DTNA: variants seen among roughly 807,000 people sequenced by gnomAD.
DTNA encodes dystrobrevin alpha, also known as dystrophin-related protein 3.
In DTNA, 43 loss-of-function variants were observed where a neutral mutation model predicts 100.7. The ratio of observed to expected loss-of-function variants is 0.43; its 90% CI spans 0.33 to 0.55. The LOEUF (loss-of-function observed/expected upper bound fraction) is 0.55. DTNA is among the 20% of genes least tolerant of loss of function. DTNA has a pLI of 0.04. For synonymous variants in DTNA, 349 were observed against 347.9 expected (o/e 1.00, Z -0.04); for missense variants, 798 against 953.9 (o/e 0.84, Z 2.15).
At chr18:34,537,127 A>G (rs2043794203) in intron 1 of DTNA, among the ~76,000 whole-genome samples, 2 of 152,154 alleles carry the variant, frequency 1.3e-5, no homozygotes, top group East Asian at 1.9e-4. Context: ...CTCCATGACT[A>G]TTAGGGCAAA....
At position 34,735,065 on chromosome 18, in the gene DTNA, C is replaced by T. The variant is rs147831958; in HGVS notation, c.-1-20911C>T. ...GAACATATATATACACACACATACA[C>T]ATATATATATACACACACACACACT... is the stretch of plus-strand genomic sequence containing the variant. On this transcript the variant is annotated intron_variant, in intron 1 of 22. Transcript: ENST00000444659. Among the ~76,000 whole-genome samples, 312 of 152,040 alleles carry T rather than the reference C, an allele frequency of 2.1e-3. 2 individuals carry two copies. The highest frequency in any genetic ancestry group is 7.2e-3 in the African/African-American group (300 of 41,468).
intron 1 of DTNA, among the ~76,000 whole-genome samples, chr18:34,634,776 G>A (rs1165864359): frequency 2.0e-5 from 3 of 152,088 alleles, no homozygotes; most frequent in African/African-American, 7.2e-5. Flanking sequence ...ATTGTGGAAT[G>A]GCTAAATTGA....
chr18:34,563,606 A>G (rs2046828833), intron 1 of DTNA, among the ~76,000 whole-genome samples: 1 of 152,048 alleles, frequency 6.6e-6, no homozygotes, highest in African/African-American at 2.4e-5. Flanking sequence ...CATCCTTCCC[A>G]CCTCATCAGT....
intron 3 of DTNA, among the ~76,000 whole-genome samples, chr18:34,771,525 A>G (rs2093772472): frequency 6.6e-6 from 1 of 151,928 alleles, no homozygotes; most frequent in Non-Finnish European, 1.5e-5. Flanking sequence ...CTTGTAAAAA[A>G]CCCATCTTCT....
At chr18:34,766,915 C>A (rs142244943) in intron 3 of DTNA, among the ~76,000 whole-genome samples, 12 of 151,856 alleles carry the variant, frequency 7.9e-5, no homozygotes, top group African/African-American at 2.9e-4. Flanking sequence ...GAACTTGCTC[C>A]AGTTTTTTTT....
At chr18:34,666,359 C>A (rs1237950854) in intron 1 of DTNA, among the ~76,000 whole-genome samples, 3 of 151,830 alleles carry the variant, frequency 2.0e-5, no homozygotes, top group Admixed American at 6.6e-5. Flanking sequence ...AATTTTCTCC[C>A]ATTCTGTAGG....
At chr18:34,867,735 C>T (rs1367228859) in intron 17 of DTNA, 7 of 985,370 alleles carry the variant, frequency 7.1e-6, no homozygotes, top group African/African-American at 1.7e-5. Flanking sequence ...CTCCTATGGA[C>T]CAGGAAGTTC....
intron 2 of DTNA, among the ~76,000 whole-genome samples, chr18:34,764,840 A>C (rs1476080854): frequency 1.3e-5 from 2 of 152,248 alleles, no homozygotes; most frequent in Non-Finnish European, 2.9e-5. Flanking sequence ...AGTTCAATAC[A>C]TGCCTTTATA....
chr18:34,606,315 A>C (rs965439840), intron 1 of DTNA, among the ~76,000 whole-genome samples: 5 of 152,200 alleles, frequency 3.3e-5, no homozygotes, highest in African/African-American at 1.2e-4. Context: ...ATGATGGTAT[A>C]TATTTTCAAA....
At chr18:34,844,530 A>G (rs988179062) in intron 13 of DTNA, among the ~76,000 whole-genome samples, 1 of 152,190 alleles carries the variant, frequency 6.6e-6, no homozygotes, top group African/African-American at 2.4e-5. Context: ...AGAATAATCT[A>G]ATAAAGCAAT....
chr18:34,524,681 A>G (rs1480575718), intron 1 of DTNA, among the ~76,000 whole-genome samples: 1 of 152,184 alleles, frequency 6.6e-6, no homozygotes, highest in Non-Finnish European at 1.5e-5. Context: ...ATGCAAACAT[A>G]GTATGTCTTT....
chr18:34,869,906 A>G (rs1373354735), intron 17 of DTNA, among the ~76,000 whole-genome samples: 1 of 152,162 alleles, frequency 6.6e-6, no homozygotes, highest in Non-Finnish European at 1.5e-5. Flanking sequence ...CTGTAGTCCC[A>G]GCTACTCGGG....
At position 34,829,448 on chromosome 18, in the gene DTNA, C is replaced by G. The variant is rs562740179; in HGVS notation, c.1134C>G (p.Ser378=). The change falls in exon 11 of 23, where the codon TCC becomes TCG. Residue 378 remains serine, a synonymous_variant. Transcript: ENST00000444659. ...SASSPVAEEH[S]LIKLYVNQLD... ...CCAGCCCTGTGGCTGAAGAGCATTC[C>G]CTCATAAAGCTGTACGTAAATCAGC... 5 of 1,532,756 alleles carry G rather than the reference C, an allele frequency of 3.3e-6. No individual in the cohort carries two copies. The African/African-American group carries it at 6.8e-5, about 21-fold the overall frequency. 94.9% of individuals were successfully genotyped at this position (1,532,756 alleles called of 1,614,324 possible).
chr18:34,859,145 C>T (rs781184630), intron 16 of DTNA, among the ~76,000 whole-genome samples: 1 of 152,098 alleles, frequency 6.6e-6, no homozygotes, highest in Non-Finnish European at 1.5e-5. Flanking sequence ...ACATAAAAGC[C>T]TAGTCTTCTT....
chr18:34,851,606 C>T (rs188660882), intron 14 of DTNA, among the ~76,000 whole-genome samples: 106 of 152,276 alleles, frequency 7.0e-4, no homozygotes, highest in Admixed American at 4.6e-4. Flanking sequence ...GTGTATTTGC[C>T]TGCCAGAGAA....
At chr18:34,877,675 A>G (rs2096832004) in intron 18 of DTNA, 44 bp from the exon 19 acceptor site, 1 of 1,552,218 alleles carries the variant, frequency 6.4e-7, no homozygotes, top group Non-Finnish European at 8.8e-7. Context: ...AATTTAGGAT[A>G]GAAGGAAGCT....
At chr18:34,789,353 C>T (rs944435459) in intron 3 of DTNA, among the ~76,000 whole-genome samples, 1 of 152,228 alleles carries the variant, frequency 6.6e-6, no homozygotes, top group Admixed American at 6.5e-5. Context: ...AGCTGCATTC[C>T]TGATCATGTT....
intron 1 of DTNA, among the ~76,000 whole-genome samples, chr18:34,550,917 C>G (rs2045340854): frequency 6.6e-6 from 1 of 152,162 alleles, no homozygotes; most frequent in African/African-American, 2.4e-5. Flanking sequence ...TATAACTATT[C>G]AGTTAATTGT....
At chr18:34,494,651 G>A (rs755517552) in intron 1 of DTNA, among the ~76,000 whole-genome samples, 7 of 152,126 alleles carry the variant, frequency 4.6e-5, no homozygotes, top group Non-Finnish European at 8.8e-5. Context: ...GTAGAACTTG[G>A]CCGTGAGGGG....
Sources: allele counts gnomAD v4.1 joint callset (sites outside exome capture counted in the v4.1 genomes callset), GRCh38; gene constraint gnomAD v4.1.1; transcripts MANE v1.5; gene names NCBI Gene and HGNC (gene_info 2026-07-23, HGNC 2026-07-21).